CLSTN3: variants seen among roughly 807,000 people sequenced by gnomAD.
The protein encoded by CLSTN3 is calsyntenin 3.
Under a neutral mutation model 95.9 loss-of-function variants are expected in CLSTN3, and 36 were observed. That is an observed-to-expected ratio of 0.38 (90% CI 0.29 to 0.50). The LOEUF (loss-of-function observed/expected upper bound fraction) is 0.50. CLSTN3 is among the 20% of genes least tolerant of loss of function. The pLI, the probability that CLSTN3 is intolerant of heterozygous loss-of-function variation, is 0.95. For missense variants in CLSTN3, 1,084 were observed against 1,268.8 expected (o/e 0.85, Z 2.21); for synonymous variants, 481 against 504.0 (o/e 0.95, Z 0.61).
In CLSTN3 at chr12:7,149,399, TG is replaced by T. The variant is rs1939682681; in HGVS notation, c.2075-123del. On this transcript the variant is annotated intron_variant, in intron 13 of 17. Coordinates refer to ENST00000266546, the MANE Select transcript of CLSTN3 (RefSeq NM_014718.4). This position sits in a 1 kb window ranked among gnomAD's most constrained non-coding sequence, Gnocchi z 4.5. ...TGTTGCATAATGATATTCTTGAAAA[TG>T]ATGCTGACTTCCCTCTCCCTGGCCC... The T allele has an allele frequency of 7.1e-6, 7 of 989,264 alleles. No individual in the cohort carries two copies. The Admixed American group carries it at 1.2e-4, about 17-fold the overall frequency. 61.3% of individuals were successfully genotyped at this position (989,264 alleles called of 1,614,324 possible).
rs1018740945 is a variant in CLSTN3 at position 7,157,817 on chromosome 12, G to C, written c.2731-124G>C. On this transcript the variant is annotated intron_variant, in intron 17 of 17. Transcript: ENST00000266546. This position sits in a 1 kb window ranked among gnomAD's most constrained non-coding sequence, Gnocchi z 5.9. ...AGAGCTGCAGTGAGCCGGAGGGAGAGAGGTTCAGGCAGGGAAGGGGGTACA... is the reference window on the plus strand; with the variant it reads ...AGAGCTGCAGTGAGCCGGAGGGAGACAGGTTCAGGCAGGGAAGGGGGTACA... 5.1e-5 allele frequency: 76 copies of C among 1,495,700 alleles called. No homozygotes were observed. In the Admixed American group the frequency reaches 1.5e-3, roughly 29 times the overall value. The allele number at this position is 1,495,700 out of a possible 1,614,324, so 92.7% of individuals were successfully genotyped here.
chr12:7,152,213 C>T (rs945683920), intron 16 of CLSTN3, among the ~76,000 whole-genome samples: 4 of 152,112 alleles, frequency 2.6e-5, no homozygotes, highest in African/African-American at 9.7e-5. Flanking sequence ...TATTTTGTAA[C>T]CTGATATTTA....
chr12:7,130,995 T>G, intron 1 of CLSTN3: 2 of 523,938 alleles, frequency 3.8e-6, no homozygotes, highest in African/African-American at 1.9e-5. Context: ...TATTCTCCCC[T>G]TCCCCTAATT....
chr12:7,132,866 T>G, intron 1 of CLSTN3, 158 bp from the exon 2 acceptor site: 2 of 901,730 alleles, frequency 2.2e-6, no homozygotes, highest in Middle Eastern at 5.4e-4. Flanking sequence ...AGTAGCTGAT[T>G]TCTTGTCCTC....
In CLSTN3 at chr12:7,141,335, A is replaced by T. The variant is rs2135803372; in HGVS notation, c.1417A>T (p.Ile473Phe). 1 of 1,614,164 alleles carries T rather than the reference A, an allele frequency of 6.2e-7. No homozygotes were observed. Among genetic ancestry groups the T allele is most frequent in the East Asian group, 2.2e-5 (1 of 44,878 alleles). The stretch of plus-strand genomic sequence containing the variant: ...CGGCATCTCCTTCGACCCTGCCCTC[A>T]TCCATGACAATGGCCTCATCCACCC... ...TDGISFDPAL[I>F]HDNGLIHPPR... Residue 473 changes from isoleucine to phenylalanine, a missense_variant, in exon 9 of 18, where the codon ATC becomes TTC. Transcript: ENST00000266546. This position sits in a 1 kb window ranked among gnomAD's most constrained non-coding sequence, Gnocchi z 4.1.
At chr12:7,138,097 C>T (rs748669780) in intron 8 of CLSTN3, 30 bp downstream of exon 8, 1 of 1,551,226 alleles carries the variant, frequency 6.4e-7, no homozygotes, top group Non-Finnish European at 8.9e-7. Context: ...CCTGGGAGGG[C>T]TGAGTAGATG....
chr12:7,137,218 T>C lies in CLSTN3; in HGVS notation c.1210+108T>C, dbSNP rs1939445040. On this transcript the variant is annotated intron_variant, in intron 7 of 17. Transcript: ENST00000266546. This position sits in a 1 kb window ranked among gnomAD's most constrained non-coding sequence, Gnocchi z 4.4. The stretch of plus-strand genomic sequence containing the variant: ...AACAGGTCACTTCCCCTCTCTTCAT[T>C]TGTGAGGTGCAAGTGCCAGGTGTGA... 5 of 1,154,046 alleles carry C rather than the reference T, an allele frequency of 4.3e-6. No homozygotes were observed. The South Asian group carries it at 6.0e-5, about 14-fold the overall frequency. The allele number at this position is 1,154,046 out of a possible 1,614,324, so 71.5% of individuals were successfully genotyped here.
At chr12:7,147,901 T>A (rs1939649101) in intron 12 of CLSTN3, among the ~76,000 whole-genome samples, 1 of 152,084 alleles carries the variant, frequency 6.6e-6, no homozygotes, top group Admixed American at 6.6e-5. Flanking sequence ...ACGCCTGTAA[T>A]CCCAGCACTT....
rs1219190023 is a variant in CLSTN3 at position 7,136,701 on chromosome 12, G to T, written c.929-128G>T. 6.9e-6 allele frequency: 7 copies of T among 1,016,790 alleles called. No homozygotes were observed. In the Admixed American group the frequency reaches 1.5e-4, roughly 21 times the overall value. 63.0% of individuals were successfully genotyped at this position (1,016,790 alleles called of 1,614,324 possible). On this transcript the variant is annotated intron_variant, in intron 6 of 17. Transcript: ENST00000266546. ...TTCATCCCTCTCTTGTCTTTGAAAGGCCATAAAAGGTGGCAAGACGTGCTG... is the reference window on the plus strand; with the variant it reads ...TTCATCCCTCTCTTGTCTTTGAAAGTCCATAAAAGGTGGCAAGACGTGCTG...
intron 1 of CLSTN3, among the ~76,000 whole-genome samples, chr12:7,132,147 G>C (rs949675799): frequency 2.6e-5 from 4 of 152,140 alleles, no homozygotes; most frequent in Non-Finnish European, 5.9e-5. Context: ...CATCCATTCT[G>C]AATTGGCTGG....
chr12:7,142,061 G>GTT (rs63110460), intron 9 of CLSTN3, 25 bp from the exon 10 acceptor site: 6,903 of 1,314,680 alleles, frequency 5.3e-3, no homozygotes, highest in East Asian at 0.01. Flanking sequence ...CACCAGCACT[G>GTT]TTTTTTTTTT....
rs1247134006 is a variant in CLSTN3 at position 7,137,950 on chromosome 12, C to T, written c.1211-5C>T. ...CTTGACCCCATCCCCTTCCTGTGCC[C>T]TCAGAGGACGGCTTCTCTCACTACT... On this transcript the variant is annotated splice_region_variant and splice_polypyrimidine_tract_variant and intron_variant, in intron 7 of 17. Transcript: ENST00000266546. This position sits in a 1 kb window ranked among gnomAD's most constrained non-coding sequence, Gnocchi z 4.4. The T allele has an allele frequency of 5.0e-6, 8 of 1,612,248 alleles. No homozygotes were observed. Among genetic ancestry groups the T allele is most frequent in the Middle Eastern group, 1.7e-4 (1 of 6,048 alleles).
rs1939344620 is a variant in CLSTN3, at chr12:7,133,512, G to T, written c.188-61G>T. 7 of 1,540,148 alleles carry T rather than the reference G, an allele frequency of 4.5e-6. No homozygotes were observed. In the South Asian group the frequency reaches 7.9e-5, roughly 17 times the overall value. ...GAGGTGGAGCTGGACCCCAGGTGGG[G>T]AGACTGAGGGTGGGGAAGGAGACAC... On this transcript the variant is annotated intron_variant, in intron 2 of 17. Coordinates refer to ENST00000266546, the MANE Select transcript of CLSTN3 (RefSeq NM_014718.4). This position sits in a 1 kb window ranked among gnomAD's most constrained non-coding sequence, Gnocchi z 4.7.
rs1346539120 is a variant in CLSTN3 at position 7,149,880 on chromosome 12, CGA to C, written c.2245+188_2245+189del. Among the ~76,000 whole-genome samples the C allele has an allele frequency of 6.6e-6, 1 of 152,190 alleles. No individual in the cohort carries two copies. Among genetic ancestry groups the C allele is most frequent in the Non-Finnish European group, 1.5e-5 (1 of 68,040 alleles). ...GGGAAGGTGTGCTGGGTTTAGGCTCCGAATGCTTCTGTCTTCCTGCTCCTCTC... is the reference window on the plus strand; with the variant it reads ...GGGAAGGTGTGCTGGGTTTAGGCTCCATGCTTCTGTCTTCCTGCTCCTCTC... On this transcript the variant is annotated intron_variant, in intron 14 of 17. Transcript: ENST00000266546. The surrounding 1 kb of genome is among the most constrained non-coding windows in gnomAD (Gnocchi z 4.5).
chr12:7,148,240 G>T (rs984800028), intron 12 of CLSTN3, among the ~76,000 whole-genome samples: 19 of 152,102 alleles, frequency 1.2e-4, no homozygotes, highest in Admixed American at 1.2e-3. Flanking sequence ...TCATAAACTG[G>T]CAAGGGCTAT....
intron 10 of CLSTN3, among the ~76,000 whole-genome samples, chr12:7,142,364 G>A (rs1356141236): frequency 6.6e-6 from 1 of 152,040 alleles, no homozygotes; most frequent in Non-Finnish European, 1.5e-5. Context: ...ATGAAGAATG[G>A]GGCTCTCTTG....
At chr12:7,130,801 T>G in intron 1 of CLSTN3, 89 bp downstream of exon 1, 1 of 1,200,106 alleles carries the variant, frequency 8.3e-7, no homozygotes, top group Non-Finnish European at 1.2e-6. Flanking sequence ...CGAGGCTCCC[T>G]GGCACCTGAC....
intron 4 of CLSTN3, 80 bp from the exon 5 acceptor site, chr12:7,135,724 G>T (rs1031908336): frequency 6.6e-7 from 1 of 1,508,300 alleles, no homozygotes; most frequent in South Asian, 1.3e-5. Flanking sequence ...CCTGCTGCCC[G>T]ATGATCTCAG....
rs867144396 is a variant in CLSTN3 at position 7,133,889 on chromosome 12, A to G, written c.383+121A>G. ...ACCCCCACCCGCTGCTGTTCCTAGG[A>G]CTTAGGGAGCCCCATCCCCTGCTGT... is the stretch of plus-strand genomic sequence containing the variant. On this transcript the variant is annotated intron_variant, in intron 3 of 17. Coordinates refer to ENST00000266546, the MANE Select transcript of CLSTN3 (RefSeq NM_014718.4). The surrounding 1 kb of genome is among the most constrained non-coding windows in gnomAD (Gnocchi z 4.7). 17 of 803,250 alleles carry G rather than the reference A, an allele frequency of 2.1e-5. No homozygotes were observed. In the South Asian group the frequency reaches 3.0e-4, roughly 14 times the overall value. The allele number at this position is 803,250 out of a possible 1,614,324, so 49.8% of individuals were successfully genotyped here. A position where few individuals can be genotyped will look rare whatever the true frequency, so the allele number is the denominator to read the frequency against.
Sources: gnomAD v4.1 joint callset for allele counts (sites outside exome capture counted in the v4.1 genomes callset) on GRCh38, gnomAD v4.1.1 for gene constraint, Gnocchi (gnomAD v3.1) non-coding constraint, MANE v1.5 for transcripts, NCBI Gene and HGNC (gene_info 2026-07-23, HGNC 2026-07-21) for gene names.